The following EPHB2 variants were observed in gnomAD, a reference collection of about 807,000 sequenced individuals.
The protein encoded by EPHB2 is ephrin type-B receptor 2.
In EPHB2, 18 loss-of-function variants were observed where a neutral mutation model predicts 96.4. The observed-to-expected ratio is 0.19, with a 90% CI of 0.13 to 0.28. The LOEUF is 0.28. Among genes scored for constraint, EPHB2 ranks in the 10% least tolerant of loss-of-function variants. EPHB2 has a pLI of 1.00. For missense variants in EPHB2, 989 were observed against 1,355.4 expected, an observed-to-expected ratio of 0.73 and a Z score of 4.25; for synonymous variants, 506 against 534.1, an observed-to-expected ratio of 0.95 and a Z score of 0.72.
chr1:22,781,933 C>T (rs1207942586), intron 2 of EPHB2, among the ~76,000 whole-genome samples: 1 of 152,112 alleles, frequency 6.6e-6, no homozygotes. Context: ...CTGCCCAGGG[C>T]CCTATAGATA....
At chr1:22,842,960 G>A (rs1645491047) in intron 3 of EPHB2, among the ~76,000 whole-genome samples, 2 of 151,908 alleles carry the variant, frequency 1.3e-5, no homozygotes. Context: ...ACATCCCCCT[G>A]TATTTATCTA....
At chr1:22,806,686 C>A (rs1431669305) in intron 3 of EPHB2, among the ~76,000 whole-genome samples, 1 of 152,260 alleles carries the variant, frequency 6.6e-6, no homozygotes, top group Non-Finnish European at 1.5e-5. Flanking sequence ...GGCCAGGCCC[C>A]ACAGGGACAA....
chr1:22,744,772 C>T (rs1037882157), intron 1 of EPHB2, among the ~76,000 whole-genome samples: 1 of 150,432 alleles, frequency 6.6e-6, no homozygotes, highest in African/African-American at 2.4e-5. Flanking sequence ...AGGAGGATCG[C>T]TTGAGGCCAG....
In EPHB2 at chr1:22,871,461, C is replaced by T. The variant is rs866660737; in HGVS notation, c.1303+6249C>T. On this transcript the variant is annotated intron_variant, in intron 5 of 15. Transcript: ENST00000374630. ...AATTCAGCCCCCATCCCACATGGCCCCTTCCAAGCTGTGTAGCCAGGATGT... is the reference window on the plus strand; with the variant it reads ...AATTCAGCCCCCATCCCACATGGCCTCTTCCAAGCTGTGTAGCCAGGATGT... Among the ~76,000 whole-genome samples the T allele has an allele frequency of 7.4e-4, 112 of 152,298 alleles. 1 individual carries two copies. The highest frequency in any genetic ancestry group is 2.6e-3 in the African/African-American group (107 of 41,564).
intron 3 of EPHB2, among the ~76,000 whole-genome samples, chr1:22,857,931 G>T (rs928782206): frequency 9.9e-5 from 15 of 152,142 alleles, no homozygotes; most frequent in African/African-American, 3.1e-4. Flanking sequence ...TTCAGTGCAT[G>T]AAAAAACACA....
At chr1:22,714,127 C>T (rs61199388) in intron 1 of EPHB2, among the ~76,000 whole-genome samples, 1,734 of 152,188 alleles carry the variant, frequency 0.011, 38 homozygotes, top group African/African-American at 0.038. Flanking sequence ...TGCTGGACTC[C>T]GGGGCAGGCA....
chr1:22,731,993 G>A (rs1051682853), intron 1 of EPHB2, among the ~76,000 whole-genome samples: 12 of 152,220 alleles, frequency 7.9e-5, no homozygotes, highest in African/African-American at 2.9e-4. Flanking sequence ...TGGGTCTCAG[G>A]ACTTGCAGAA....
intron 5 of EPHB2, among the ~76,000 whole-genome samples, chr1:22,866,669 C>G (rs1638489235): frequency 6.6e-6 from 1 of 152,050 alleles, no homozygotes. Flanking sequence ...CACAGTGGCT[C>G]ACATCTGTAA....
At chr1:22,864,577 T>G (rs1354375841) in intron 4 of EPHB2, among the ~76,000 whole-genome samples, 2 of 152,210 alleles carry the variant, frequency 1.3e-5, no homozygotes, top group Non-Finnish European at 2.9e-5. Context: ...TGAATAAAGC[T>G]GGGCTGTTCT....
intron 1 of EPHB2, among the ~76,000 whole-genome samples, chr1:22,720,663 C>A (rs1360087261): frequency 2.0e-5 from 2 of 99,194 alleles, no homozygotes; most frequent in South Asian, 6.6e-4. Flanking sequence ...ATCTCATTCC[C>A]CCCCCCCCCC....
At chr1:22,750,530 TCTC>T (rs1316525331) in intron 1 of EPHB2, among the ~76,000 whole-genome samples, 2 of 152,266 alleles carry the variant, frequency 1.3e-5, no homozygotes, top group Middle Eastern at 6.8e-3. Context: ...CCCCTTCCCT[TCTC>T]CTCCGTGCCT....
At chr1:22,910,859 C>A (rs544493624) in intron 14 of EPHB2, among the ~76,000 whole-genome samples, 1 of 152,138 alleles carries the variant, frequency 6.6e-6, no homozygotes, top group Non-Finnish European at 1.5e-5. Context: ...AAAGGAAGGC[C>A]GGGAGAGATG....
At chr1:22,831,471 G>A (rs1381192918) in intron 3 of EPHB2, among the ~76,000 whole-genome samples, 2 of 152,130 alleles carry the variant, frequency 1.3e-5, no homozygotes, top group Non-Finnish European at 2.9e-5. Flanking sequence ...AGCCTGTGAA[G>A]CCTTTTGCGT....
intron 3 of EPHB2, among the ~76,000 whole-genome samples, chr1:22,823,755 C>T (rs748871429): frequency 6.6e-6 from 1 of 152,264 alleles, no homozygotes; most frequent in African/African-American, 2.4e-5. Context: ...GAGGATTCCA[C>T]TATCTAAGCT....
At chr1:22,822,694 C>A (rs1424998352) in intron 3 of EPHB2, among the ~76,000 whole-genome samples, 2 of 152,256 alleles carry the variant, frequency 1.3e-5, no homozygotes, top group African/African-American at 4.8e-5. Context: ...GGGACCAGTC[C>A]TGGGTCAGGA....
At chr1:22,776,062 G>C (rs1407629586) in intron 1 of EPHB2, among the ~76,000 whole-genome samples, 2 of 152,154 alleles carry the variant, frequency 1.3e-5, no homozygotes, top group African/African-American at 2.4e-5. Flanking sequence ...GGGCCTCAGA[G>C]AGCTGCTAAC....
In EPHB2 at chr1:22,741,603, C is replaced by T. The variant is rs190317301; in HGVS notation, c.61+30560C>T. The stretch of plus-strand genomic sequence containing the variant: ...CTGTAGCCCATCTATTCCTCCTGTT[C>T]GGAGGTTTGGAATGAGGTCTAAAAG... On this transcript the variant is annotated intron_variant, in intron 1 of 15. Transcript: ENST00000374630. Among the ~76,000 whole-genome samples, 28 of 144,552 alleles carry T rather than the reference C, an allele frequency of 1.9e-4. No individual in the cohort carries two copies. The East Asian group carries it at 4.0e-3, about 21-fold the overall frequency. 94.8% of individuals were successfully genotyped at this position (144,552 alleles called of 152,430 possible).
chr1:22,867,611 C>T (rs959568153), intron 5 of EPHB2, among the ~76,000 whole-genome samples: 5 of 152,206 alleles, frequency 3.3e-5, no homozygotes, highest in African/African-American at 1.2e-4. Flanking sequence ...GTGGCTCATG[C>T]CTGTAATCCC....
At chr1:22,892,576 T>C (rs1249718673) in intron 6 of EPHB2, among the ~76,000 whole-genome samples, 1 of 152,116 alleles carries the variant, frequency 6.6e-6, no homozygotes, top group African/African-American at 2.4e-5. Context: ...CCAAGACAAA[T>C]TGGCAGGGAT....
Sources: gnomAD v4.1 joint callset for allele counts (sites outside exome capture counted in the v4.1 genomes callset) on GRCh38, gnomAD v4.1.1 for gene constraint, MANE v1.5 for transcripts, NCBI Gene and HGNC (gene_info 2026-07-23, HGNC 2026-07-21) for gene names.